The following DNAH17 variants were observed in gnomAD, a reference collection of about 807,000 sequenced individuals.
The protein encoded by DNAH17 is axonemal beta dynein heavy chain 17.
In DNAH17, 376 loss-of-function variants were observed where a neutral mutation model predicts 485.6. The observed-to-expected ratio is 0.77, with a 90% CI of 0.71 to 0.84. The LOEUF (loss-of-function observed/expected upper bound fraction) is 0.84, where lower values mean the gene tolerates loss of function less well. DNAH17 is among the 40% of genes least tolerant of loss of function. DNAH17 has a pLI of 0.00. For synonymous variants in DNAH17, 3,031 were observed against 2,405.9 expected (o/e 1.26, Z -7.60); for missense variants, 6,370 against 5,839.3 (o/e 1.09, Z -2.96).
intron 31 of DNAH17, among the ~76,000 whole-genome samples, chr17:78,504,209 G>A (rs567705736): frequency 1.7e-3 from 251 of 152,040 alleles, no homozygotes; most frequent in African/African-American, 5.9e-3. Flanking sequence ...GGGACTACAG[G>A]TGTCTGCCAC....
In DNAH17 at chr17:78,486,019, A is replaced by T; in HGVS notation, c.7216T>A (p.Phe2406Ile). ...GGCACTTTATCTGTCCAGGGCAGGA[A>T]CTTTTTTGTGTCAGGATCAATGTAG... ...DYYIDPDTKK[F>I]LPWTDKVPSF... The change falls in exon 46 of 81, where the codon TTC (phenylalanine) becomes ATC (isoleucine). Residue 2406 changes from phenylalanine to isoleucine, a missense_variant. Physicochemically the swap from Phe to Ile is conservative, Grantham distance 21 (BLOSUM62 0). Transcript: ENST00000389840. 6.2e-7 allele frequency: 1 copy of T among 1,613,916 alleles called. No homozygotes were observed. Among genetic ancestry groups the T allele is most frequent in the Non-Finnish European group, 8.5e-7 (1 of 1,179,880 alleles).
intron 37 of DNAH17, among the ~76,000 whole-genome samples, chr17:78,498,206 C>T (rs1225499487): frequency 6.6e-6 from 1 of 152,008 alleles, no homozygotes; most frequent in Non-Finnish European, 1.5e-5. Context: ...GCAGGCTCTC[C>T]ACCCAGGTTG....
intron 44 of DNAH17, chr17:78,489,940 T>G (rs2089777555): frequency 6.6e-6 from 1 of 152,222 alleles, no homozygotes; most frequent in African/African-American, 2.4e-5. Flanking sequence ...AACACCTCAC[T>G]GGGATTTCTG....
At position 78,569,258 on chromosome 17, in the gene DNAH17, AGG is replaced by A. The variant is rs764927050; in HGVS notation, c.1198-8_1198-7del. On this transcript the variant is annotated splice_region_variant and splice_polypyrimidine_tract_variant and intron_variant, in intron 8 of 80. Coordinates refer to ENST00000389840, the MANE Select transcript of DNAH17 (RefSeq NM_173628.4). ...CAAGGCACGGGCTCTTTGTCCTTAG[AGG>A]AGAGAAAGAGAGATGAGGCCACGTT... The A allele has an allele frequency of 4.4e-6, 7 of 1,602,512 alleles. No individual in the cohort carries two copies. In the South Asian group the frequency reaches 7.9e-5, roughly 18 times the overall value.
chr17:78,487,956 C>T (rs912300383), intron 44 of DNAH17, among the ~76,000 whole-genome samples: 2 of 152,178 alleles, frequency 1.3e-5, no homozygotes, highest in Admixed American at 6.5e-5. Flanking sequence ...ATAGAGTAAA[C>T]CTTTCTATGT....
At chr17:78,500,626 A>AG in intron 35 of DNAH17, 165 bp from the exon 36 acceptor site, 1 of 597,192 alleles carries the variant, frequency 1.7e-6, no homozygotes, top group South Asian at 3.3e-5. Context: ...CTCATGCCTC[A>AG]GCCTCCCAAG....
At chr17:78,564,922 G>C (rs1314125756) in intron 11 of DNAH17, among the ~76,000 whole-genome samples, 1 of 152,088 alleles carries the variant, frequency 6.6e-6, no homozygotes, top group Non-Finnish European at 1.5e-5. Flanking sequence ...CAGCTACCTG[G>C]GGAAGAGCCT....
intron 62 of DNAH17, among the ~76,000 whole-genome samples, chr17:78,457,580 T>C (rs1421047510): frequency 6.6e-6 from 1 of 151,974 alleles, no homozygotes; most frequent in Non-Finnish European, 1.5e-5. Context: ...GGTGTCACTA[T>C]GTTGCTCAGG....
Position 78,532,475 on chromosome 17 carries a change from C to A in DNAH17, c.3114+7G>T. On this transcript the variant is annotated splice_region_variant and intron_variant, in intron 20 of 80. Transcript: ENST00000389840. Reference sequence around the variant, plus strand: ...CAAGGAGGCTGGTGGGTGAGGTCTGCACGCACCTGCTCCTGGAACTGAGCC... The same window carrying A: ...CAAGGAGGCTGGTGGGTGAGGTCTGAACGCACCTGCTCCTGGAACTGAGCC... 1 of 1,606,238 alleles carries A rather than the reference C, an allele frequency of 6.2e-7. No homozygotes were observed. Among genetic ancestry groups the A allele is most frequent in the Non-Finnish European group, 8.5e-7 (1 of 1,176,756 alleles).
chr17:78,551,601 C>G lies in DNAH17; in HGVS notation c.2325G>C (p.Leu775=). ...FQYIQEVREI[L]HNLQNRMQKA... ...TTTGCATCCTGTTCTGCAAGTTGTG[C>G]AGAATTTCTCGCACCTCTTGAATGT... Residue 775 remains leucine (L), a synonymous_variant, in exon 16 of 81, where the codon CTG becomes CTC. Coordinates refer to ENST00000389840, the MANE Select transcript of DNAH17 (RefSeq NM_173628.4). 1 of 1,613,984 alleles carries G rather than the reference C, an allele frequency of 6.2e-7. No homozygotes were observed. The highest frequency in any genetic ancestry group is 1.7e-5 in the Admixed American group (1 of 60,024).
At position 78,566,738 on chromosome 17, in the gene DNAH17, C is replaced by CA. The variant is rs1568266010; in HGVS notation, c.1453-9dup. Reference sequence around the variant, plus strand: ...ATAATCACGGTCAAAATTCTAAAAGCAAATGGAAATGTCAACCTTGTAATC... The same window carrying CA: ...ATAATCACGGTCAAAATTCTAAAAGCAAAATGGAAATGTCAACCTTGTAATC... On this transcript the variant is annotated splice_polypyrimidine_tract_variant and intron_variant, in intron 10 of 80. Transcript: ENST00000389840. The CA allele has an allele frequency of 6.3e-7, 1 of 1,583,268 alleles. No homozygotes were observed. The highest frequency in any genetic ancestry group is 1.8e-5 in the Admixed American group (1 of 55,872).
rs1475071910 is a variant in DNAH17 at position 78,453,463 on chromosome 17, T to TA, written c.10408dup (p.Tyr3470LeufsTer18). ...GATGGCCTGCTCGATGACATCCAGG[T>TA]AGCTGCGGGCACAACACGGAAGCTG... On this transcript the variant is annotated frameshift_variant and splice_region_variant, in exon 65 of 81. Transcript: ENST00000389840. LOFTEE classifies it high-confidence loss of function. 12 of 1,613,720 alleles carry TA rather than the reference T, an allele frequency of 7.4e-6. No individual in the cohort carries two copies. The highest frequency in any genetic ancestry group is 1.0e-5 in the Non-Finnish European group (12 of 1,179,790).
At chr17:78,455,880 G>C in intron 62 of DNAH17, 44 bp from the exon 63 acceptor site, 1 of 1,502,964 alleles carries the variant, frequency 6.7e-7, no homozygotes, top group Non-Finnish European at 8.9e-7. Flanking sequence ...GCACAAGTGA[G>C]GGGACTGGAC....
chr17:78,481,675 C>T (rs2089356900), intron 48 of DNAH17, among the ~76,000 whole-genome samples: 1 of 152,156 alleles, frequency 6.6e-6, no homozygotes, highest in Non-Finnish European at 1.5e-5. Flanking sequence ...AATAAATATT[C>T]ACCATCCCTG....
rs2092380568 is a variant in DNAH17, at chr17:78,572,908, C to G, written c.346-14G>C. On this transcript the variant is annotated splice_polypyrimidine_tract_variant and intron_variant, in intron 2 of 80. Transcript: ENST00000389840. ...AGAAGAGAGGACCTAAAAGGAAACA[C>G]TTCTGTGGTTCCGCCCCCTGTGCCT... is the stretch of plus-strand genomic sequence containing the variant. 1 of 1,610,882 alleles carries G rather than the reference C, an allele frequency of 6.2e-7. No individual in the cohort carries two copies. The highest frequency in any genetic ancestry group is 8.5e-7 in the Non-Finnish European group (1 of 1,178,458).
intron 72 of DNAH17, among the ~76,000 whole-genome samples, chr17:78,440,502 C>T (rs1038976340): frequency 1.3e-4 from 20 of 152,184 alleles, no homozygotes; most frequent in Admixed American, 3.9e-4. Context: ...TCAAGCGATC[C>T]GCCCACCCTG....
intron 75 of DNAH17, among the ~76,000 whole-genome samples, chr17:78,429,618 C>T (rs2146419688): frequency 6.6e-6 from 1 of 152,334 alleles, no homozygotes; most frequent in South Asian, 2.1e-4. Flanking sequence ...GCAGGTGTTT[C>T]TGCTGTGCCT....
At chr17:78,560,685 GC>G (rs2092133841) in intron 13 of DNAH17, 54 bp downstream of exon 13, 1 of 1,483,840 alleles carries the variant, frequency 6.7e-7, no homozygotes, top group Non-Finnish European at 9.0e-7. Context: ...ACCTTGGCAG[GC>G]CCTCCCCCCG....
chr17:78,427,233 G>C, intron 77 of DNAH17, 125 bp from the exon 78 acceptor site: 1 of 940,848 alleles, frequency 1.1e-6, no homozygotes. Context: ...GAGGCAAGTA[G>C]AGTTGCCAGA....
Sources: gnomAD v4.1 joint callset for allele counts (sites outside exome capture counted in the v4.1 genomes callset) on GRCh38, gnomAD v4.1.1 for gene constraint, MANE v1.5 for transcripts, NCBI Gene and HGNC (gene_info 2026-07-23, HGNC 2026-07-21) for gene names.